The following UBE3C variants were observed in gnomAD, a reference collection of about 807,000 sequenced individuals.
UBE3C encodes ubiquitin-protein ligase E3C.
A neutral mutation model predicts 129.4 loss-of-function variants in UBE3C; 42 were observed. The ratio of observed to expected loss-of-function variants is 0.32; its 90% CI spans 0.25 to 0.42. The LOEUF is 0.42. UBE3C is among the 10% of genes least tolerant of loss of function. UBE3C has a pLI of 1.00. For missense variants in UBE3C, 1,049 were observed against 1,319.1 expected, an observed-to-expected ratio of 0.80 and a Z score of 3.17; for synonymous variants, 510 against 492.4, an observed-to-expected ratio of 1.04 and a Z score of -0.47.
intron 13 of UBE3C, among the ~76,000 whole-genome samples, chr7:157,212,897 A>C (rs529454889): frequency 2.6e-5 from 4 of 152,210 alleles, no homozygotes; most frequent in African/African-American, 9.6e-5. Context: ...AGCTGGGACT[A>C]CAGGCATGTG....
chr7:157,235,167 CA>C (rs912185820), intron 18 of UBE3C, among the ~76,000 whole-genome samples: 2 of 151,814 alleles, frequency 1.3e-5, no homozygotes, highest in African/African-American at 4.8e-5. Flanking sequence ...TCCAGCCTGG[CA>C]ACAAGAGCAA....
At chr7:157,177,341 G>A (rs987930213) in intron 5 of UBE3C, among the ~76,000 whole-genome samples, 2 of 152,158 alleles carry the variant, frequency 1.3e-5, no homozygotes, top group African/African-American at 4.8e-5. Flanking sequence ...TTTTTAAGGT[G>A]GGTTGTCTCT....
chr7:157,261,306 G>GAAAAAAAAAAAAAAAAAAAAAAAA (rs57114090), intron 22 of UBE3C, among the ~76,000 whole-genome samples: 1 of 78,022 alleles, frequency 1.3e-5, no homozygotes. Context: ...AACTCTGTCT[G>GAAAAAAAAAAAAAAAAAAAAAAAA]AAAAAAAAAA....
At chr7:157,160,617 CTT>C (rs2116850014) in intron 1 of UBE3C, among the ~76,000 whole-genome samples, 1 of 152,238 alleles carries the variant, frequency 6.6e-6, no homozygotes, top group Admixed American at 6.5e-5. Context: ...CAGTTGATGT[CTT>C]AGTTGGTGTC....
chr7:157,151,407 G>T (rs373988071), intron 1 of UBE3C, among the ~76,000 whole-genome samples: 1 of 152,194 alleles, frequency 6.6e-6, no homozygotes, highest in Non-Finnish European at 1.5e-5. Context: ...ACTCGGAGAA[G>T]ATTGTATAGC....
At position 157,198,516 on chromosome 7, in the gene UBE3C, C is replaced by T. The variant is rs529804036; in HGVS notation, c.1332-3205C>T. Reference sequence around the variant, plus strand: ...AGGGCCGCCGCCCTCCGCCATCTTCCGCTGGCTGTATTTGTCTTTTTTTTT... The same window carrying T: ...AGGGCCGCCGCCCTCCGCCATCTTCTGCTGGCTGTATTTGTCTTTTTTTTT... On this transcript the variant is annotated intron_variant, in intron 10 of 22. Coordinates refer to ENST00000348165, the MANE Select transcript of UBE3C (RefSeq NM_014671.3). The T allele has an allele frequency of 1.9e-5, 7 of 366,262 alleles. 1 individual carries two copies. The highest frequency in any genetic ancestry group is 8.5e-5 in the African/African-American group (4 of 46,802). 22.7% of individuals were successfully genotyped at this position (366,262 alleles called of 1,614,324 possible). A position where few individuals can be genotyped will look rare whatever the true frequency, so the allele number is the denominator to read the frequency against.
At chr7:157,179,727 C>T (rs1808619311) in intron 6 of UBE3C, among the ~76,000 whole-genome samples, 1 of 152,196 alleles carries the variant, frequency 6.6e-6, no homozygotes, top group Non-Finnish European at 1.5e-5. Context: ...CACCTGAAGT[C>T]ATAGTCTGGG....
intron 14 of UBE3C, among the ~76,000 whole-genome samples, chr7:157,218,443 C>T (rs1481246906): frequency 2.0e-5 from 3 of 151,056 alleles, no homozygotes; most frequent in Non-Finnish European, 2.9e-5. Context: ...AGCAAGATTC[C>T]GTCTCAAAAA....
intron 22 of UBE3C, among the ~76,000 whole-genome samples, chr7:157,261,575 C>T (rs192035021): frequency 2.6e-5 from 4 of 152,078 alleles, no homozygotes; most frequent in African/African-American, 4.8e-5. Context: ...TTAGGCTTTC[C>T]GGTTAGCTTA....
chr7:157,139,204 C>T lies in UBE3C; in HGVS notation c.-69C>T, dbSNP rs865999422. 1.9e-5 allele frequency: 23 copies of T among 1,236,572 alleles called. No homozygotes were observed. In the African/African-American group the frequency reaches 2.7e-4, roughly 14 times the overall value. The allele number at this position is 1,236,572 out of a possible 1,614,324, so 76.6% of individuals were successfully genotyped here. On this transcript the variant is annotated 5_prime_UTR_variant, in exon 1 of 23. Transcript: ENST00000348165. ...GGGCGGGCGCCGAGAGCCTCCCAGC[C>T]CGCCCCGTGCCCCGCCCGCCCGGCT...
chr7:157,210,041 G>A (rs571263525), intron 13 of UBE3C, among the ~76,000 whole-genome samples: 63 of 152,168 alleles, frequency 4.1e-4, no homozygotes, highest in Non-Finnish European at 8.1e-4. Flanking sequence ...TTAGCTGGGC[G>A]TGATGTACGC....
At position 157,259,190 on chromosome 7, in the gene UBE3C, G is replaced by A. The variant is rs948628594; in HGVS notation, c.3081+2146G>A. Among the ~76,000 whole-genome samples the A allele has an allele frequency of 9.8e-5, 15 of 152,348 alleles. 1 individual carries two copies. In the East Asian group the frequency reaches 1.5e-3, roughly 16 times the overall value. On this transcript the variant is annotated intron_variant, in intron 22 of 22. Transcript: ENST00000348165. ...AGGCCCCACTCAGACCTGAGTCAGC[G>A]CTCAGTGGGAGCGGAGCCCCGCAGT...
intron 19 of UBE3C, among the ~76,000 whole-genome samples, chr7:157,253,730 A>G (rs746490159): frequency 1.3e-5 from 2 of 152,192 alleles, no homozygotes; most frequent in Non-Finnish European, 2.9e-5. Context: ...ATGGATGGTT[A>G]GTGATCTTAA....
chr7:157,217,894 C>T (rs1052463015), intron 14 of UBE3C, among the ~76,000 whole-genome samples: 2 of 151,674 alleles, frequency 1.3e-5, no homozygotes, highest in African/African-American at 4.8e-5. Flanking sequence ...TGGTAAGTGT[C>T]CCCCTGTAGT....
At chr7:157,234,131 T>TTCC (rs1796093326) in intron 18 of UBE3C, among the ~76,000 whole-genome samples, 1 of 110,002 alleles carries the variant, frequency 9.1e-6, no homozygotes, top group Admixed American at 9.6e-5. Context: ...TATTTTCTTC[T>TTCC]CTGGATTGTC....
intron 13 of UBE3C, among the ~76,000 whole-genome samples, chr7:157,212,530 C>G (rs978524141): frequency 2.0e-5 from 3 of 152,318 alleles, no homozygotes; most frequent in Admixed American, 6.5e-5. Flanking sequence ...TTGCCATGAA[C>G]TCTCAAACAT....
intron 4 of UBE3C, 86 bp downstream of exon 4, chr7:157,170,536 G>A: frequency 7.4e-7 from 1 of 1,353,850 alleles, no homozygotes; most frequent in Non-Finnish European, 9.6e-7. Flanking sequence ...TCATCAGAAA[G>A]TTAAACAGCT....
intron 10 of UBE3C, among the ~76,000 whole-genome samples, chr7:157,191,947 A>G (rs1025085104): frequency 3.3e-5 from 5 of 152,226 alleles, no homozygotes; most frequent in African/African-American, 4.8e-5. Context: ...CAATAGAATT[A>G]ATAAGCTATT....
Position 157,220,686 on chromosome 7 carries a change from C to A in UBE3C, c.1915-3C>A. 6.2e-7 allele frequency: 1 copy of A among 1,614,106 alleles called. No homozygotes were observed. The highest frequency in any genetic ancestry group is 8.5e-7 in the Non-Finnish European group (1 of 1,179,974). ...AGTTCTGAACCAGGATTGCCCCCGACAGGTCACTCAGCTCTATGTGCCAGC... is the reference window on the plus strand; with the variant it reads ...AGTTCTGAACCAGGATTGCCCCCGAAAGGTCACTCAGCTCTATGTGCCAGC... On this transcript the variant is annotated splice_region_variant and splice_polypyrimidine_tract_variant and intron_variant, in intron 14 of 22. Transcript: ENST00000348165.
Sources: allele counts gnomAD v4.1 joint callset (sites outside exome capture counted in the v4.1 genomes callset), GRCh38; gene constraint gnomAD v4.1.1; transcripts MANE v1.5; gene names NCBI Gene and HGNC (gene_info 2026-07-23, HGNC 2026-07-21).